The following TRPM3 variants were observed in gnomAD, a reference collection of about 807,000 sequenced individuals.
TRPM3 encodes transient receptor potential cation channel subfamily M member 3.
In TRPM3, 77 loss-of-function variants were observed where a neutral mutation model predicts 181.2. That is an observed-to-expected ratio of 0.42 (90% CI 0.35 to 0.51). The LOEUF (loss-of-function observed/expected upper bound fraction) is 0.51, where lower values mean the gene tolerates loss of function less well. Among genes scored for constraint, TRPM3 ranks in the 20% least tolerant of loss-of-function variants. TRPM3 has a pLI of 0.01. For missense variants in TRPM3, 1,759 were observed against 2,196.7 expected, an observed-to-expected ratio of 0.80 and a Z score of 3.98; for synonymous variants, 745 against 796.4, an observed-to-expected ratio of 0.94 and a Z score of 1.09.
chr9:70,588,919 G>A (rs534270420), intron 22 of TRPM3, among the ~76,000 whole-genome samples: 2 of 152,292 alleles, frequency 1.3e-5, no homozygotes, highest in East Asian at 3.9e-4. Context: ...ATTTGAGAAA[G>A]GACAAATACT....
rs761235261 is a variant in TRPM3, at chr9:70,681,566, G to A, written c.1285C>T (p.Arg429Trp). 37 of 1,613,630 alleles carry A rather than the reference G, an allele frequency of 2.3e-5. No homozygotes were observed. The highest frequency in any genetic ancestry group is 3.0e-5 in the Non-Finnish European group (35 of 1,179,760). The change falls in exon 9 of 26, where the codon CGG becomes TGG. Residue 429 changes from arginine (R) to tryptophan (W), a missense_variant. Physicochemically the swap from Arg to Trp is moderately radical, Grantham distance 101. This residue lies in a region of TRPM3 where 737 missense variants were observed against 957.4 expected (regional missense o/e 0.77). Transcript: ENST00000677713. ...MKKKELITVFRMGSEGHQDID... is the reference protein window; with the variant it reads ...MKKKELITVFWMGSEGHQDID... The stretch of plus-strand genomic sequence containing the variant: ...TCCTGGTGTCCTTCTGATCCCATCC[G>A]AAATACCGTAATCTGCAATTTGAGA...
intron 1 of TRPM3, among the ~76,000 whole-genome samples, chr9:70,898,524 C>G (rs1177724466): frequency 1.3e-5 from 2 of 150,158 alleles, no homozygotes; most frequent in Non-Finnish European, 3.0e-5. Context: ...CCAAGGCGGG[C>G]GGATCACGAG....
intron 1 of TRPM3, among the ~76,000 whole-genome samples, chr9:71,311,195 C>T (rs2087895796): frequency 6.6e-6 from 1 of 152,018 alleles, no homozygotes; most frequent in South Asian, 2.1e-4. Flanking sequence ...AAATTGTGCA[C>T]AAAGTGAAAA....
chr9:71,401,197 CAA>C (rs59425467), intron 1 of TRPM3, among the ~76,000 whole-genome samples: 18 of 105,752 alleles, frequency 1.7e-4, no homozygotes, highest in Non-Finnish European at 1.4e-4. Context: ...GACACCATCG[CAA>C]AAAAAAAAAA....
chr9:71,361,953 T>C (rs982301111), intron 1 of TRPM3, among the ~76,000 whole-genome samples: 2 of 152,182 alleles, frequency 1.3e-5, no homozygotes, highest in Non-Finnish European at 2.9e-5. Context: ...AAAGAGATTA[T>C]AGAATCACAG....
chr9:71,297,424 G>A lies in TRPM3; in HGVS notation c.183+149229C>T, dbSNP rs527810084. 9.2e-5 allele frequency among the ~76,000 whole-genome samples: 14 copies of A among 152,234 alleles called. No individual in the cohort carries two copies. In the South Asian group the frequency reaches 1.0e-3, roughly 11 times the overall value. Reference sequence around the variant, plus strand: ...GCCTGAGACTGGATAATTTAGAAACGAAAGTGGTTTAATTGACTCACAGTT... The same window carrying A: ...GCCTGAGACTGGATAATTTAGAAACAAAAGTGGTTTAATTGACTCACAGTT... On this transcript the variant is annotated intron_variant, in intron 1 of 24. Coordinates refer to the TRPM3 transcript ENST00000357533.
chr9:71,116,967 C>A (rs1265940057), intron 1 of TRPM3, among the ~76,000 whole-genome samples: 1 of 152,044 alleles, frequency 6.6e-6, no homozygotes, highest in Admixed American at 6.6e-5. Context: ...AACTGAAATA[C>A]CCTTTCTAGC....
rs535981789 is a variant in TRPM3 at position 70,992,925 on chromosome 9, T to A, written c.177+128253A>T. On this transcript the variant is annotated intron_variant, in intron 1 of 25. Coordinates refer to ENST00000677713, the MANE Select transcript of TRPM3 (RefSeq NM_001366145.2). ...GAGGAGGTGACATTTGGGTTGACAC[T>A]TGAGTATCAGAAACATTCTGCAATG... 2.6e-5 allele frequency among the ~76,000 whole-genome samples: 4 copies of A among 152,326 alleles called. No individual in the cohort carries two copies. The South Asian group carries it at 8.3e-4, about 32-fold the overall frequency.
At chr9:70,594,519 A>G (rs1188310882) in intron 21 of TRPM3, among the ~76,000 whole-genome samples, 3 of 152,160 alleles carry the variant, frequency 2.0e-5, no homozygotes, top group Non-Finnish European at 4.4e-5. Context: ...TATGTAAGTG[A>G]GCTTAGTACT....
At chr9:70,820,005 A>G (rs561022) in intron 6 of TRPM3, among the ~76,000 whole-genome samples, 98,351 of 151,950 alleles carry the variant, frequency 0.65, 32,062 homozygotes, top group Middle Eastern at 0.8. Context: ...AATATTTCAA[A>G]ATATAGTCTC....
At chr9:71,420,636 A>G (rs1355326518) in intron 1 of TRPM3, among the ~76,000 whole-genome samples, 3 of 135,444 alleles carry the variant, frequency 2.2e-5, no homozygotes, top group Admixed American at 1.5e-4. Flanking sequence ...AGAAAAAGAA[A>G]AAGAGAGAGA....
intron 1 of TRPM3, among the ~76,000 whole-genome samples, chr9:71,037,065 A>G (rs895851765): frequency 6.6e-6 from 1 of 152,232 alleles, no homozygotes; most frequent in African/African-American, 2.4e-5. Flanking sequence ...CAGTAAAAGT[A>G]ACAGTAGCAA....
At chr9:71,357,946 T>G (rs1215217948) in intron 1 of TRPM3, among the ~76,000 whole-genome samples, 1 of 152,128 alleles carries the variant, frequency 6.6e-6, no homozygotes, top group Non-Finnish European at 1.5e-5. Context: ...ATGGGCTTGA[T>G]TGCTCACTCT....
chr9:71,230,851 C>G (rs1488352474), intron 1 of TRPM3, among the ~76,000 whole-genome samples: 2 of 152,138 alleles, frequency 1.3e-5, no homozygotes, highest in African/African-American at 4.8e-5. Flanking sequence ...CTGTAGAGTC[C>G]AAGCTCTGTG....
At chr9:71,446,256 G>A (rs1563941469) in intron 1 of TRPM3, among the ~76,000 whole-genome samples, 2 of 152,188 alleles carry the variant, frequency 1.3e-5, no homozygotes, top group Admixed American at 6.5e-5. Flanking sequence ...TTTCTATTCC[G>A]CCCTCATTCA....
chr9:70,849,350 T>C (rs1189264231), intron 3 of TRPM3, among the ~76,000 whole-genome samples: 9 of 152,150 alleles, frequency 5.9e-5, no homozygotes, highest in Non-Finnish European at 1.2e-4. Context: ...TTTCTTCATC[T>C]TGTCTAGGCT....
chr9:70,789,542 T>A (rs1288711462), intron 6 of TRPM3, among the ~76,000 whole-genome samples: 1 of 152,238 alleles, frequency 6.6e-6, no homozygotes, highest in East Asian at 1.9e-4. Flanking sequence ...GCCAATTCCT[T>A]AGTTGATTGC....
rs7847155 is a variant in TRPM3, at chr9:70,758,556, C to A, written c.1272+3045G>T. ...TAAGCAAAAAGAACAAAGCTGGAGG[C>A]ATCACGCTACCTGGCTTCAAACTAT... On this transcript the variant is annotated intron_variant, in intron 8 of 25. Transcript: ENST00000677713. 9.1e-3 allele frequency among the ~76,000 whole-genome samples: 1,393 copies of A among 152,296 alleles called. 27 individuals are homozygous for A. Among genetic ancestry groups the A allele is most frequent in the African/African-American group, 0.031 (1,306 of 41,574 alleles).
At chr9:70,837,108 C>G (rs1053070769) in intron 5 of TRPM3, among the ~76,000 whole-genome samples, 2 of 152,176 alleles carry the variant, frequency 1.3e-5, no homozygotes, top group Non-Finnish European at 2.9e-5. Context: ...CACATCTCCC[C>G]AGATACATCT....
Sources: gnomAD v4.1 joint callset for allele counts (sites outside exome capture counted in the v4.1 genomes callset) on GRCh38, gnomAD v4.1.1 for gene constraint, gnomAD v4.1.1 regional missense constraint, MANE v1.5 for transcripts, NCBI Gene and HGNC (gene_info 2026-07-23, HGNC 2026-07-21) for gene names.